Variants in TMEM255B observed in about 807,000 individuals in gnomAD.
TMEM255B encodes transmembrane protein 255B, also known as family with sequence similarity 70, member B.
In TMEM255B, 35 loss-of-function variants were observed where a neutral mutation model predicts 34.5. That is an observed-to-expected ratio of 1.01 (90% CI 0.77 to 1.34). The LOEUF (loss-of-function observed/expected upper bound fraction) is 1.34, where lower values mean the gene tolerates loss of function less well. TMEM255B is among the 40% of genes most tolerant of loss of function. The pLI is 0.00. For missense variants in TMEM255B, 432 were observed against 433.2 expected (o/e 1.00, Z 0.02); for synonymous variants, 206 against 201.2 (o/e 1.02, Z -0.20).
intron 3 of TMEM255B, among the ~76,000 whole-genome samples, chr13:113,783,149 C>T (rs35750387): frequency 0.18 from 26,820 of 152,020 alleles, 2,824 homozygotes; most frequent in African/African-American, 0.29. Context: ...ATTTTAGCAT[C>T]GCTTCAGTGA....
intron 8 of TMEM255B, among the ~76,000 whole-genome samples, chr13:113,809,490 TGGGGG>T (rs2051259355): frequency 1.2e-5 from 1 of 86,382 alleles, no homozygotes; most frequent in African/African-American, 5.0e-5. Flanking sequence ...CTCTGGTTCC[TGGGGG>T]TTTACTCTGT....
chr13:113,783,077 G>A (rs767801636), intron 3 of TMEM255B, among the ~76,000 whole-genome samples: 1 of 152,024 alleles, frequency 6.6e-6, no homozygotes, highest in African/African-American at 2.4e-5. Context: ...TGGTGGATTG[G>A]GAAACAAATT....
intron 3 of TMEM255B, among the ~76,000 whole-genome samples, chr13:113,774,606 C>CACCAAATACACACCACATAT (rs369574394): frequency 0.026 from 3,878 of 147,252 alleles, 158 homozygotes; most frequent in African/African-American, 0.092. Context: ...AAATGACACA[C>CACCAAATACACACCACATAT]ACCACACAAT....
At chr13:113,792,968 C>T (rs763106189) in intron 3 of TMEM255B, among the ~76,000 whole-genome samples, 2 of 152,370 alleles carry the variant, frequency 1.3e-5, no homozygotes, top group Admixed American at 6.5e-5. Flanking sequence ...GACGCTGGAG[C>T]GTCCGTGACA....
intron 2 of TMEM255B, chr13:113,768,796 G>A: frequency 6.0e-6 from 3 of 499,698 alleles, no homozygotes; most frequent in South Asian, 3.1e-5. Context: ...CTGGGTTCCC[G>A]AAAAGATGTT....
intron 8 of TMEM255B, 50 bp from the exon 9 acceptor site, chr13:113,811,686 G>T: frequency 6.2e-7 from 1 of 1,606,324 alleles, no homozygotes; most frequent in Non-Finnish European, 8.5e-7. Context: ...CTGTGGTCCG[G>T]CACGGGGTGG....
At chr13:113,782,485 C>T (rs1240755313) in intron 3 of TMEM255B, among the ~76,000 whole-genome samples, 4 of 152,170 alleles carry the variant, frequency 2.6e-5, no homozygotes, top group Non-Finnish European at 5.9e-5. Context: ...ATGAAACTGC[C>T]ATTGCACAAT....
chr13:113,778,762 A>G (rs904252279), intron 3 of TMEM255B, among the ~76,000 whole-genome samples: 8 of 152,200 alleles, frequency 5.3e-5, no homozygotes, highest in Admixed American at 2.6e-4. Context: ...ATTTCACTCA[A>G]CTGCCTCACT....
rs569575277 is a variant in TMEM255B at position 113,782,796 on chromosome 13, G to A, written c.253-12352G>A. The stretch of plus-strand genomic sequence containing the variant: ...ACAGTTTGGTGGGGGCAGGGGTTTA[G>A]GACAAGCTTTTGCCCAGTGTCCAGC... On this transcript the variant is annotated intron_variant, in intron 3 of 8. Transcript: ENST00000375353. 2.0e-5 allele frequency among the ~76,000 whole-genome samples: 3 copies of A among 152,276 alleles called. No homozygotes were observed. In the East Asian group the frequency reaches 5.8e-4, roughly 29 times the overall value.
intron 3 of TMEM255B, among the ~76,000 whole-genome samples, chr13:113,790,063 C>G (rs1277166496): frequency 6.6e-6 from 1 of 151,840 alleles, no homozygotes; most frequent in Non-Finnish European, 1.5e-5. Flanking sequence ...CGTGGACATC[C>G]TAGTGCTGGA....
intron 3 of TMEM255B, among the ~76,000 whole-genome samples, chr13:113,794,857 G>A (rs1449453943): frequency 6.6e-6 from 1 of 152,236 alleles, no homozygotes; most frequent in East Asian, 1.9e-4. Flanking sequence ...TTGGGCACAC[G>A]CCCTGCCGTC....
At chr13:113,799,557 C>A (rs2138571520) in intron 5 of TMEM255B, 138 bp downstream of exon 5, 1 of 737,416 alleles carries the variant, frequency 1.4e-6, no homozygotes, top group Non-Finnish European at 2.3e-6. Flanking sequence ...AGCTGGTGAA[C>A]CGTTGATGCC....
At chr13:113,759,669 A>G (rs191863224) in intron 1 of TMEM255B, among the ~76,000 whole-genome samples, 34 of 152,282 alleles carry the variant, frequency 2.2e-4, no homozygotes, top group Non-Finnish European at 4.1e-4. Context: ...TATGAGGAAC[A>G]GGCGCCCCAA....
intron 8 of TMEM255B, among the ~76,000 whole-genome samples, chr13:113,807,071 G>A (rs1300162134): frequency 6.6e-6 from 1 of 152,198 alleles, no homozygotes; most frequent in Admixed American, 6.5e-5. Context: ...TCCAGGGCTG[G>A]TTTGGGCCGC....
intron 2 of TMEM255B, 61 bp downstream of exon 2, chr13:113,766,318 G>C: frequency 6.2e-7 from 1 of 1,608,372 alleles, no homozygotes; most frequent in African/African-American, 1.3e-5. Context: ...GGCTCTCTCA[G>C]GGTGGAGTCC....
At chr13:113,803,665 C>T (rs996656317) in intron 7 of TMEM255B, among the ~76,000 whole-genome samples, 1 of 152,066 alleles carries the variant, frequency 6.6e-6, no homozygotes, top group Non-Finnish European at 1.5e-5. Context: ...CGGAGCACGA[C>T]CCTCCATGCC....
At chr13:113,795,606 A>C (rs1284826507) in intron 4 of TMEM255B, among the ~76,000 whole-genome samples, 1 of 145,028 alleles carries the variant, frequency 6.9e-6, no homozygotes, top group Admixed American at 6.9e-5. Context: ...AACAGAGCAC[A>C]CAGCACACAC....
At chr13:113,797,260 C>T (rs532136310) in intron 4 of TMEM255B, among the ~76,000 whole-genome samples, 122 of 152,370 alleles carry the variant, frequency 8.0e-4, no homozygotes, top group Middle Eastern at 3.4e-3. Context: ...GACTTTAGGA[C>T]GGATGCGCAG....
intron 3 of TMEM255B, among the ~76,000 whole-genome samples, chr13:113,773,668 T>C (rs930708221): frequency 2.6e-5 from 4 of 152,216 alleles, no homozygotes; most frequent in African/African-American, 9.6e-5. Flanking sequence ...GGTGAACCCA[T>C]ATTTCACAAT....
Sources: allele counts gnomAD v4.1 joint callset (sites outside exome capture counted in the v4.1 genomes callset), GRCh38; gene constraint gnomAD v4.1.1; transcripts MANE v1.5; gene names NCBI Gene and HGNC (gene_info 2026-07-23, HGNC 2026-07-21).